TTLL11: variants seen among roughly 807,000 people sequenced by gnomAD.
TTLL11 encodes tubulin tyrosine ligase like 11.
Under a neutral mutation model 51.7 loss-of-function variants are expected in TTLL11, and 42 were observed. That is an observed-to-expected ratio of 0.81 (90% CI 0.64 to 1.05). The LOEUF is 1.05. Ranked by LOEUF, TTLL11 falls within the 50% of genes least tolerant of loss-of-function variation. The probability of loss-of-function intolerance (pLI) is 0.00; values close to 1 mark genes in which losing one functional copy is unlikely to be tolerated. For missense variants in TTLL11, 799 were observed against 940.4 expected (o/e 0.85, Z 1.97); for synonymous variants, 381 against 383.5 (o/e 0.99, Z 0.08).
chr9:121,992,219 T>C (rs937168122), intron 3 of TTLL11, among the ~76,000 whole-genome samples: 1 of 152,182 alleles, frequency 6.6e-6, no homozygotes, highest in Non-Finnish European at 1.5e-5. Context: ...CCCTCACAAT[T>C]GTTCAGAACG....
At chr9:121,971,102 G>A (rs1378496221) in intron 6 of TTLL11, among the ~76,000 whole-genome samples, 4 of 122,622 alleles carry the variant, frequency 3.3e-5, no homozygotes, top group Non-Finnish European at 3.4e-5. Flanking sequence ...CAGCCGCCCC[G>A]TCCGGGAGGG....
intron 6 of TTLL11, among the ~76,000 whole-genome samples, chr9:121,931,584 TAA>T (rs757552624): frequency 1.9e-4 from 25 of 130,742 alleles, no homozygotes; most frequent in African/African-American, 5.7e-4. Flanking sequence ...TTCTACTATT[TAA>T]AAAAAAAAAA....
intron 3 of TTLL11, among the ~76,000 whole-genome samples, chr9:122,006,202 A>G (rs56196059): frequency 0.023 from 3,514 of 151,934 alleles, 58 homozygotes; most frequent in Non-Finnish European, 0.038. Context: ...TTAGCCAGGC[A>G]TGGTGGCGGG....
chr9:121,873,840 T>TTTTTTATTTA (rs1446296234), intron 6 of TTLL11, among the ~76,000 whole-genome samples: 1 of 141,202 alleles, frequency 7.1e-6, no homozygotes, highest in African/African-American at 2.7e-5. Context: ...ACTTTTTTTT[T>TTTTTTATTTA]TTTTTTTTTT....
rs1224422708 is a variant in TTLL11, at chr9:121,989,574, T to C, written c.890A>G (p.Asp297Gly). 1.2e-6 allele frequency: 2 copies of C among 1,613,954 alleles called. No homozygotes were observed. The highest frequency in any genetic ancestry group is 2.7e-5 in the African/African-American group (2 of 74,872). Residue 297 changes from aspartate to glycine, a missense_variant, in exon 4 of 9, where the codon GAT becomes GGT. Physicochemically the swap from Asp to Gly is moderately conservative, Grantham distance 94. Coordinates refer to ENST00000321582, the MANE Select transcript of TTLL11 (RefSeq NM_001139442.2). This position sits in a 1 kb window ranked among gnomAD's most constrained non-coding sequence, Gnocchi z 4.2. ...KPLLIDKLKF[D>G]IRLYVLLKSL... is the part of the protein sequence containing the mutation. Reference sequence around the variant, plus strand: ...CTTGAGTAAGACATACAGACGAATATCAAACTTGAGCTTGTCGATAAGGAG... The same window carrying C: ...CTTGAGTAAGACATACAGACGAATACCAAACTTGAGCTTGTCGATAAGGAG...
At chr9:121,951,350 T>C (rs2131602432) in intron 6 of TTLL11, among the ~76,000 whole-genome samples, 1 of 152,326 alleles carries the variant, frequency 6.6e-6, no homozygotes, top group East Asian at 1.9e-4. Flanking sequence ...CACCAGGTAT[T>C]CCCAGCCTAT....
In TTLL11 at chr9:121,819,646, T is replaced by C. The variant is rs1314519116; in HGVS notation, c.*2941A>G. 6.6e-6 allele frequency among the ~76,000 whole-genome samples: 1 copy of C among 151,890 alleles called. No homozygotes were observed. The highest frequency in any genetic ancestry group is 6.6e-5 in the Admixed American group (1 of 15,250). On this transcript the variant is annotated 3_prime_UTR_variant, in exon 9 of 9. Transcript: ENST00000321582. ...AGCGGGAGGGAGAAGACGCTGGAGA[T>C]GGATCCTGAGGGCGCTTGCAGGGAT...
intron 1 of TTLL11, among the ~76,000 whole-genome samples, chr9:122,055,433 A>G (rs903793023): frequency 6.6e-6 from 1 of 152,112 alleles, no homozygotes. Context: ...CAGGATTTTC[A>G]CATCTTTCTG....
At chr9:121,953,521 A>G (rs1841916506) in intron 6 of TTLL11, among the ~76,000 whole-genome samples, 1 of 151,410 alleles carries the variant, frequency 6.6e-6, no homozygotes, top group South Asian at 2.1e-4. Context: ...AGTCCCAGCT[A>G]CTCAGGAGGC....
intron 1 of TTLL11, among the ~76,000 whole-genome samples, chr9:122,056,600 G>C (rs1042648686): frequency 1.3e-5 from 2 of 152,154 alleles, no homozygotes; most frequent in Non-Finnish European, 2.9e-5. Flanking sequence ...TCCTTTAACT[G>C]TCATAGAACT....
intron 6 of TTLL11, among the ~76,000 whole-genome samples, chr9:121,961,930 C>T (rs1842240570): frequency 6.6e-6 from 1 of 152,104 alleles, no homozygotes. Flanking sequence ...GTGGTGGGTG[C>T]CTGTGATACC....
At chr9:121,905,275 CCT>C (rs1315592855) in intron 6 of TTLL11, among the ~76,000 whole-genome samples, 10 of 152,154 alleles carry the variant, frequency 6.6e-5, no homozygotes, top group African/African-American at 2.4e-4. Context: ...CCTTTCCACT[CCT>C]CTTGGATGCA....
At chr9:122,055,619 G>C (rs1265900496) in intron 1 of TTLL11, among the ~76,000 whole-genome samples, 1 of 152,140 alleles carries the variant, frequency 6.6e-6, no homozygotes, top group African/African-American at 2.4e-5. Flanking sequence ...TTGACACTCA[G>C]TATTAACCAT....
intron 3 of TTLL11, among the ~76,000 whole-genome samples, chr9:122,011,617 T>C (rs536998456): frequency 8.5e-4 from 129 of 152,184 alleles, no homozygotes; most frequent in Non-Finnish European, 1.5e-3. Context: ...TTTTCAGAAA[T>C]ACACACAGAA....
intron 1 of TTLL11, among the ~76,000 whole-genome samples, chr9:122,062,893 C>T (rs921214131): frequency 6.6e-6 from 1 of 152,094 alleles, no homozygotes; most frequent in Admixed American, 6.6e-5. Context: ...AATCCTCCCA[C>T]CTCAGCCTCC....
intron 6 of TTLL11, among the ~76,000 whole-genome samples, chr9:121,920,171 C>T (rs1056150359): frequency 4.6e-5 from 7 of 152,012 alleles, no homozygotes; most frequent in Admixed American, 1.3e-4. Context: ...GGTGTGGTGG[C>T]GCATGCCTAT....
In TTLL11 at chr9:121,860,355, G is replaced by T; in HGVS notation, c.1822C>A (p.Leu608Met). ...DITRRWNSMT[L>M]DQRDSGMCLQ... is the part of the protein sequence containing the mutation. ...CAAATACCTGAGTCCCGCTGGTCCAGGGTCATGGAGTTCCACCTCCGTGTG... is the reference window on the plus strand; with the variant it reads ...CAAATACCTGAGTCCCGCTGGTCCATGGTCATGGAGTTCCACCTCCGTGTG... The change falls in exon 8 of 9, where the codon CTG becomes ATG. Residue 608 changes from leucine to methionine, a missense_variant. Leu to Met is a conservative substitution (Grantham distance 15). This residue lies in a region of TTLL11 where 165 missense variants were observed against 166.1 expected (regional missense o/e 0.99). Coordinates refer to ENST00000321582, the MANE Select transcript of TTLL11 (RefSeq NM_001139442.2). 1 of 1,551,466 alleles carries T rather than the reference G, an allele frequency of 6.4e-7. No individual in the cohort carries two copies. The highest frequency in any genetic ancestry group is 1.4e-5 in the African/African-American group (1 of 73,156).
In TTLL11 at chr9:121,818,784, T is replaced by G. The variant is rs952636834; in HGVS notation, c.*3803A>C. ...TCATGACAACAGATACAAACAGTCC[T>G]GGGAGCAGGGGTCGGACAGGGGCTC... On this transcript the variant is annotated 3_prime_UTR_variant, in exon 9 of 9. Transcript: ENST00000321582. 1.3e-5 allele frequency: 2 copies of G among 152,360 alleles called. No homozygotes were observed. Among genetic ancestry groups the G allele is most frequent in the African/African-American group, 4.8e-5 (2 of 41,432 alleles). The allele number at this position is 152,360 out of a possible 1,614,324, so 9.4% of individuals were successfully genotyped here.
At chr9:122,022,457 T>C (rs74316983) in intron 3 of TTLL11, among the ~76,000 whole-genome samples, 1,811 of 151,952 alleles carry the variant, frequency 0.012, 30 homozygotes, top group African/African-American at 0.041. Context: ...AGAAACAATA[T>C]AAGCAAGAAG....
Sources: gnomAD v4.1 joint callset for allele counts (sites outside exome capture counted in the v4.1 genomes callset) on GRCh38, gnomAD v4.1.1 for gene constraint, gnomAD v4.1.1 regional missense constraint, Gnocchi (gnomAD v3.1) non-coding constraint, MANE v1.5 for transcripts, NCBI Gene and HGNC (gene_info 2026-07-23, HGNC 2026-07-21) for gene names.